The following SMURF1 variants were observed in gnomAD, a reference collection of about 807,000 sequenced individuals.
SMURF1 encodes the protein SMAD specific E3 ubiquitin protein ligase 1.
In SMURF1, 44 loss-of-function variants were observed where a neutral mutation model predicts 98.0. The ratio of observed to expected loss-of-function variants is 0.45; its 90% CI spans 0.35 to 0.58. The LOEUF (loss-of-function observed/expected upper bound fraction) is 0.58. SMURF1 is among the 20% of genes least tolerant of loss of function. SMURF1 has a pLI of 0.00. For synonymous variants in SMURF1, 396 were observed against 374.9 expected (o/e 1.06, Z -0.65); for missense variants, 687 against 938.4 (o/e 0.73, Z 3.50).
In SMURF1 at chr7:99,029,898, A is replaced by G. The variant is rs1438741403; in HGVS notation, c.*686T>C. On this transcript the variant is annotated 3_prime_UTR_variant, in exon 18 of 18. Coordinates refer to ENST00000361368, the MANE Select transcript of SMURF1 (RefSeq NM_181349.3). ...AAGATCGTTTTTCTCTATGTAAAACAAAATTTTCAGCCAAGATACCCAGAA... is the reference window on the plus strand; with the variant it reads ...AAGATCGTTTTTCTCTATGTAAAACGAAATTTTCAGCCAAGATACCCAGAA... 1 of 152,270 alleles carries G rather than the reference A, an allele frequency of 6.6e-6. No individual in the cohort carries two copies. Among genetic ancestry groups the G allele is most frequent in the Non-Finnish European group, 1.5e-5 (1 of 68,056 alleles). 9.4% of individuals were successfully genotyped at this position (152,270 alleles called of 1,614,324 possible). A position where few individuals can be genotyped will look rare whatever the true frequency, so the allele number is the denominator to read the frequency against.
chr7:99,132,699 GACACACACACAC>G (rs113194877), intron 1 of SMURF1, among the ~76,000 whole-genome samples: 2 of 147,398 alleles, frequency 1.4e-5, no homozygotes, highest in African/African-American at 2.5e-5. Context: ...CAGACACACG[GACACACACACAC>G]ACACACACAC....
chr7:99,051,969 G>A (rs1287747084), intron 7 of SMURF1, among the ~76,000 whole-genome samples: 3 of 152,078 alleles, frequency 2.0e-5, no homozygotes, highest in African/African-American at 7.2e-5. Flanking sequence ...GCAACATGGC[G>A]AGACCCATTC....
intron 11 of SMURF1, among the ~76,000 whole-genome samples, chr7:99,042,572 G>A (rs958538768): frequency 6.6e-5 from 10 of 152,300 alleles, no homozygotes; most frequent in Middle Eastern, 6.8e-3. Flanking sequence ...ACCACGCTCA[G>A]CCTAAGTTGT....
intron 1 of SMURF1, among the ~76,000 whole-genome samples, chr7:99,087,295 G>A (rs558881708): frequency 1.3e-4 from 20 of 152,078 alleles, no homozygotes; most frequent in Non-Finnish European, 2.5e-4. Flanking sequence ...TGAGGTGGGA[G>A]GACTGCTTGA....
At chr7:99,113,937 A>G (rs1228578411) in intron 1 of SMURF1, among the ~76,000 whole-genome samples, 2 of 152,066 alleles carry the variant, frequency 1.3e-5, no homozygotes, top group African/African-American at 4.8e-5. Flanking sequence ...TTAAAAAAGG[A>G]ATAGTAATGT....
At chr7:99,088,131 G>A (rs566971867) in intron 1 of SMURF1, among the ~76,000 whole-genome samples, 4 of 151,776 alleles carry the variant, frequency 2.6e-5, no homozygotes, top group East Asian at 3.9e-4. Flanking sequence ...GGTGGCAGGC[G>A]CCTGTAATCC....
intron 3 of SMURF1, among the ~76,000 whole-genome samples, chr7:99,059,402 A>AAAAAAAAAAT (rs1563010499): frequency 3.1e-4 from 24 of 77,432 alleles, no homozygotes; most frequent in African/African-American, 1.2e-3. Context: ...CATCTCAAAA[A>AAAAAAAAAAT]AAAATAAAAT....
At chr7:99,039,232 C>T (rs984736178) in intron 13 of SMURF1, among the ~76,000 whole-genome samples, 1 of 151,348 alleles carries the variant, frequency 6.6e-6, no homozygotes, top group African/African-American at 2.4e-5. Context: ...ACTGTTCCTC[C>T]CTTAGAGGCA....
intron 1 of SMURF1, among the ~76,000 whole-genome samples, chr7:99,118,617 T>C (rs922799280): frequency 1.3e-5 from 2 of 152,158 alleles, no homozygotes; most frequent in Non-Finnish European, 2.9e-5. Context: ...AGCAGATTAG[T>C]AGTTGTAAAG....
In SMURF1 at chr7:99,064,534, T is replaced by C. The variant is rs552200077; in HGVS notation, c.56-2697A>G. 3.3e-5 allele frequency among the ~76,000 whole-genome samples: 5 copies of C among 152,336 alleles called. No homozygotes were observed. The East Asian group carries it at 9.6e-4, about 29-fold the overall frequency. ...GTGAATTTCCAGAAGTTTGTTGATC[T>C]CCTCACTTTTCATAAGTCTATTCAG... is the stretch of plus-strand genomic sequence containing the variant. On this transcript the variant is annotated intron_variant, in intron 1 of 17. Coordinates refer to ENST00000361368, the MANE Select transcript of SMURF1 (RefSeq NM_181349.3).
chr7:99,143,752 C>G lies in SMURF1; in HGVS notation c.29G>C (p.Gly10Ala). MSNPGTRRN[G>A]SSIKIRLTVL... ...TGTCAGACGGATCTTGATGCTGGAG[C>G]CGTTCCTGCGTGTCCCGGGGTTCGA... Residue 10 changes from glycine (G) to alanine (A), a missense_variant, in exon 1 of 18, where the codon GGC becomes GCC. By Grantham distance (60) the Gly-to-Ala change is moderately conservative (BLOSUM62 0). This residue lies in a region of SMURF1 where 415 missense variants were observed against 508.4 expected (regional missense o/e 0.82). Transcript: ENST00000361368. 6.4e-7 allele frequency: 1 copy of G among 1,564,374 alleles called. No individual in the cohort carries two copies. The highest frequency in any genetic ancestry group is 8.6e-7 in the Non-Finnish European group (1 of 1,157,762).
chr7:99,079,712 A>G (rs1298356038), intron 1 of SMURF1, among the ~76,000 whole-genome samples: 1 of 152,262 alleles, frequency 6.6e-6, no homozygotes, highest in Non-Finnish European at 1.5e-5. Context: ...ACATCTGGAA[A>G]TTTTTAAACA....
intron 17 of SMURF1, among the ~76,000 whole-genome samples, chr7:99,031,995 G>A (rs1284054772): frequency 1.3e-5 from 2 of 152,174 alleles, no homozygotes; most frequent in African/African-American, 4.8e-5. Context: ...TTAAAATTTA[G>A]GAAGAAAACA....
intron 1 of SMURF1, among the ~76,000 whole-genome samples, chr7:99,135,671 G>C (rs1481059647): frequency 6.6e-6 from 1 of 152,204 alleles, no homozygotes; most frequent in Non-Finnish European, 1.5e-5. Flanking sequence ...ATTGATTTCA[G>C]TCTTTTATAA....
chr7:99,063,199 ATATT>A (rs1342081936), intron 1 of SMURF1, among the ~76,000 whole-genome samples: 1 of 137,186 alleles, frequency 7.3e-6, no homozygotes, highest in Non-Finnish European at 1.5e-5. Flanking sequence ...CAAGATATAT[ATATT>A]TATATAGTCA....
chr7:99,077,958 G>A lies in SMURF1; in HGVS notation c.56-16121C>T, dbSNP rs181791288. ...ATTCTATTACTCGGTTATTTGCTTC[G>A]TTATCTGAAATCTTGTGGCTTTTCA... On this transcript the variant is annotated intron_variant, in intron 1 of 17. Coordinates refer to ENST00000361368, the MANE Select transcript of SMURF1 (RefSeq NM_181349.3). 3.4e-3 allele frequency among the ~76,000 whole-genome samples: 516 copies of A among 152,102 alleles called. 5 individuals carry two copies. Among genetic ancestry groups the A allele is most frequent in the Non-Finnish European group, 4.9e-3 (336 of 68,008 alleles).
intron 7 of SMURF1, 129 bp downstream of exon 7, chr7:99,052,076 C>T (rs974691013): frequency 6.3e-5 from 83 of 1,308,274 alleles, no homozygotes; most frequent in African/African-American, 1.3e-4. Flanking sequence ...TCAAGGCTGC[C>T]GTGAGCCATG....
chr7:99,142,334 G>A (rs1259045645), intron 1 of SMURF1, among the ~76,000 whole-genome samples: 1 of 152,130 alleles, frequency 6.6e-6, no homozygotes. Flanking sequence ...GCTGAGTGTG[G>A]GGGTGATGGT....
intron 17 of SMURF1, among the ~76,000 whole-genome samples, chr7:99,031,194 G>A (rs111226818): frequency 1.3e-4 from 20 of 152,258 alleles, no homozygotes; most frequent in African/African-American, 3.8e-4. Context: ...GATGTACTGC[G>A]TGTCTGTCTG....
Sources: allele counts gnomAD v4.1 joint callset (sites outside exome capture counted in the v4.1 genomes callset), GRCh38; gene constraint gnomAD v4.1.1; regional missense constraint gnomAD v4.1.1; transcripts MANE v1.5; gene names NCBI Gene and HGNC (gene_info 2026-07-23, HGNC 2026-07-21).